Variants in DNAH12 observed in about 807,000 individuals in gnomAD.
The protein encoded by DNAH12 is dynein axonemal heavy chain 12.
A neutral mutation model predicts 371.5 loss-of-function variants in DNAH12; 285 were observed. The observed-to-expected ratio is 0.77, with a 90% CI of 0.70 to 0.85. DNAH12 has a LOEUF of 0.85. DNAH12 is among the 40% of genes least tolerant of loss of function. The pLI is 0.00. For synonymous variants in DNAH12, 1,200 were observed against 1,213.0 expected (o/e 0.99, Z 0.22); for missense variants, 3,611 against 3,689.4 (o/e 0.98, Z 0.55).
At chr3:57,312,896 A>T (rs1487395493) in intron 66 of DNAH12, among the ~76,000 whole-genome samples, 1 of 152,178 alleles carries the variant, frequency 6.6e-6, no homozygotes, top group Non-Finnish European at 1.5e-5. Context: ...AATATCAACT[A>T]TTTCTATACA....
At chr3:57,294,943 A>G (rs2061202385) in intron 73 of DNAH12, among the ~76,000 whole-genome samples, 1 of 152,212 alleles carries the variant, frequency 6.6e-6, no homozygotes, top group Non-Finnish European at 1.5e-5. Flanking sequence ...GTTGTTATTT[A>G]AGAATTAAAA....
chr3:57,451,946 C>G (rs1293185964), intron 25 of DNAH12, among the ~76,000 whole-genome samples: 1 of 152,168 alleles, frequency 6.6e-6, no homozygotes, highest in African/African-American at 2.4e-5. Context: ...GTATAAAAGT[C>G]AAAAGGTCAA....
intron 8 of DNAH12, among the ~76,000 whole-genome samples, chr3:57,507,105 T>C (rs925654629): frequency 1.3e-5 from 2 of 151,860 alleles, no homozygotes; most frequent in Admixed American, 6.6e-5. Context: ...AAAGGGAAAG[T>C]TTTTCTTCAA....
chr3:57,296,327 C>T lies in DNAH12; in HGVS notation c.11624+17G>A. On this transcript the variant is annotated intron_variant, in intron 72 of 73. Coordinates refer to ENST00000495027, the MANE Select transcript of DNAH12 (RefSeq NM_001366028.2). Reference sequence around the variant, plus strand: ...TCAGCTACAAATGAAGAGGTCCTGGCAGCTGAATCCACTGACCTTTCTCGG... The same window carrying T: ...TCAGCTACAAATGAAGAGGTCCTGGTAGCTGAATCCACTGACCTTTCTCGG... 6.5e-7 allele frequency: 1 copy of T among 1,527,796 alleles called. No individual in the cohort carries two copies. The highest frequency in any genetic ancestry group is 8.9e-7 in the Non-Finnish European group (1 of 1,128,248). 94.6% of individuals were successfully genotyped at this position (1,527,796 alleles called of 1,614,324 possible). A position where few individuals can be genotyped will look rare whatever the true frequency, so the allele number is the denominator to read the frequency against.
intron 60 of DNAH12, among the ~76,000 whole-genome samples, chr3:57,337,675 T>C (rs1273101418): frequency 3.9e-5 from 6 of 152,062 alleles, no homozygotes; most frequent in African/African-American, 1.4e-4. Context: ...AATATATATA[T>C]GTGTGTATAT....
chr3:57,344,312 A>G (rs1333793465), intron 60 of DNAH12, among the ~76,000 whole-genome samples: 7 of 130,006 alleles, frequency 5.4e-5, no homozygotes, highest in Non-Finnish European at 1.2e-4. Context: ...GAGGATGCAG[A>G]GAAAAGGGAA....
rs926726398 is a variant in DNAH12 at position 57,401,194 on chromosome 3, A to G, written c.6948+2115T>C. 6.6e-5 allele frequency among the ~76,000 whole-genome samples: 10 copies of G among 152,118 alleles called. No homozygotes were observed. The South Asian group carries it at 1.2e-3, about 19-fold the overall frequency. ...ATTAAAACAAAAACAAACAAACCAA[A>G]ACTTGAGGGATGCAGCAAAAGTATT... On this transcript the variant is annotated intron_variant, in intron 43 of 73. Transcript: ENST00000495027.
chr3:57,481,365 G>T (rs1175107910), intron 13 of DNAH12, among the ~76,000 whole-genome samples: 2 of 152,138 alleles, frequency 1.3e-5, no homozygotes, highest in Admixed American at 6.5e-5. Flanking sequence ...ACTTACAAGG[G>T]ACATGAAGGA....
chr3:57,483,626 G>C, intron 12 of DNAH12, 115 bp from the exon 13 acceptor site: 1 of 1,203,642 alleles, frequency 8.3e-7, no homozygotes, highest in Non-Finnish European at 1.1e-6. Context: ...TAAAAAAATT[G>C]CTTGATTCAC....
intron 22 of DNAH12, among the ~76,000 whole-genome samples, chr3:57,457,324 A>G (rs1361248677): frequency 6.6e-6 from 1 of 152,046 alleles, no homozygotes; most frequent in Non-Finnish European, 1.5e-5. Flanking sequence ...TTCTTTCAGG[A>G]TCTCCCAAAT....
At chr3:57,435,248 T>C (rs2065081600) in intron 30 of DNAH12, among the ~76,000 whole-genome samples, 1 of 151,906 alleles carries the variant, frequency 6.6e-6, no homozygotes, top group Non-Finnish European at 1.5e-5. Context: ...GGCATGTCCC[T>C]GTAGTCCCAG....
intron 58 of DNAH12, among the ~76,000 whole-genome samples, chr3:57,361,443 A>AATATATAT: frequency 1.0e-5 from 1 of 96,132 alleles, no homozygotes; most frequent in Non-Finnish European, 2.0e-5. Context: ...ACACACACAC[A>AATATATAT]CTATATATAT....
intron 17 of DNAH12, among the ~76,000 whole-genome samples, chr3:57,467,641 T>C (rs1382711775): frequency 1.3e-5 from 2 of 152,208 alleles, no homozygotes; most frequent in Admixed American, 6.5e-5. Flanking sequence ...AATGGTATAC[T>C]CTTCCTATGT....
intron 45 of DNAH12, among the ~76,000 whole-genome samples, chr3:57,389,399 T>C (rs1231110634): frequency 6.6e-6 from 1 of 152,158 alleles, no homozygotes; most frequent in Non-Finnish European, 1.5e-5. Context: ...AGAAGATGCA[T>C]ATTCTTATAG....
intron 65 of DNAH12, among the ~76,000 whole-genome samples, chr3:57,316,010 C>T (rs1049970859): frequency 6.6e-6 from 1 of 152,126 alleles, no homozygotes; most frequent in Non-Finnish European, 1.5e-5. Context: ...GACCGAAGAG[C>T]TGTGACAAAG....
At position 57,453,317 on chromosome 3, in the gene DNAH12, C is replaced by G. The variant is rs1465877943; in HGVS notation, c.3543G>C (p.Arg1181Ser). ...TAGTAACCAAAGCCCCCAGAGTGGT[C>G]CTGGTCTGCTTAGACAACTTTCCTC... ...LVRGKLSKQT[R>S]TTLGALVTID... The change falls in exon 24 of 74, where the codon AGG becomes AGC. Residue 1181 changes from arginine (R) to serine (S), a missense_variant. Around this residue, in one of 3 missense-constraint regions of DNAH12, gnomAD observed 1,314 missense variants for 1,398.7 expected, o/e 0.94. Transcript: ENST00000495027. 5 of 1,551,316 alleles carry G rather than the reference C, an allele frequency of 3.2e-6. No homozygotes were observed. Among genetic ancestry groups the G allele is most frequent in the Non-Finnish European group, 4.4e-6 (5 of 1,146,872 alleles).
chr3:57,555,964 G>A, the DNAH12 span, among the ~76,000 whole-genome samples: 1 of 152,252 alleles, frequency 6.6e-6, no homozygotes, highest in Non-Finnish European at 1.5e-5. Context: ...CGGGCGCAGG[G>A]AGGAGAGCTG....
chr3:57,447,873 CTG>C (rs1433356901), intron 25 of DNAH12, among the ~76,000 whole-genome samples: 2 of 152,124 alleles, frequency 1.3e-5, no homozygotes, highest in African/African-American at 4.8e-5. Context: ...AGAGGTCTCA[CTG>C]TGTTGCCCAA....
intron 2 of DNAH12, among the ~76,000 whole-genome samples, chr3:57,532,557 C>T (rs993498467): frequency 6.6e-6 from 1 of 152,196 alleles, no homozygotes; most frequent in Non-Finnish European, 1.5e-5. Flanking sequence ...ACCCCAAGTC[C>T]AGTAACATCA....
Sources: gnomAD v4.1 joint callset for allele counts (sites outside exome capture counted in the v4.1 genomes callset) on GRCh38, gnomAD v4.1.1 for gene constraint, gnomAD v4.1.1 regional missense constraint, MANE v1.5 for transcripts, NCBI Gene and HGNC (gene_info 2026-07-23, HGNC 2026-07-21) for gene names.